Variants in GALNT18 observed in about 807,000 individuals in gnomAD.
GALNT18 encodes the protein polypeptide N-acetylgalactosaminyltransferase 18.
A neutral mutation model predicts 69.5 loss-of-function variants in GALNT18; 44 were observed. The observed-to-expected ratio is 0.63, with a 90% CI of 0.50 to 0.81. The LOEUF (loss-of-function observed/expected upper bound fraction) is 0.81, where lower values mean the gene tolerates loss of function less well. GALNT18 is among the 40% of genes least tolerant of loss of function. The pLI is 0.00. For synonymous variants in GALNT18, 364 were observed against 318.2 expected (o/e 1.14, Z -1.53); for missense variants, 715 against 810.0 (o/e 0.88, Z 1.42).
intron 9 of GALNT18, among the ~76,000 whole-genome samples, chr11:11,301,380 T>C (rs1026347614): frequency 7.9e-5 from 12 of 152,218 alleles, no homozygotes; most frequent in Non-Finnish European, 1.3e-4. Flanking sequence ...ATTTAAGGGT[T>C]TGGTTATTGG....
intron 9 of GALNT18, among the ~76,000 whole-genome samples, chr11:11,324,537 G>C (rs1849886266): frequency 6.6e-6 from 1 of 152,162 alleles, no homozygotes; most frequent in Non-Finnish European, 1.5e-5. Flanking sequence ...TGATGAAAGT[G>C]TTCCCTTTTC....
intron 4 of GALNT18, among the ~76,000 whole-genome samples, chr11:11,378,503 G>T (rs1853829800): frequency 6.6e-6 from 1 of 152,190 alleles, no homozygotes; most frequent in Non-Finnish European, 1.5e-5. Flanking sequence ...CCTTCTGTCT[G>T]GTCCCTTTCC....
At chr11:11,521,822 C>T (rs946862205) in intron 1 of GALNT18, among the ~76,000 whole-genome samples, 11 of 152,190 alleles carry the variant, frequency 7.2e-5, no homozygotes, top group Admixed American at 7.2e-4. Flanking sequence ...GAAGCCAACA[C>T]GCACTTCACC....
chr11:11,612,308 T>C (rs1178063741), intron 1 of GALNT18, among the ~76,000 whole-genome samples: 1 of 152,256 alleles, frequency 6.6e-6, no homozygotes, highest in Non-Finnish European at 1.5e-5. Flanking sequence ...GGCCAGTCCC[T>C]GACCTGCTAG....
chr11:11,414,528 A>G (rs901294196), intron 3 of GALNT18, among the ~76,000 whole-genome samples: 4 of 151,962 alleles, frequency 2.6e-5, no homozygotes, highest in Admixed American at 6.6e-5. Context: ...CTCTCCTTCC[A>G]TCCTTTAAAG....
In GALNT18 at chr11:11,619,749, A is replaced by G. The variant is rs1166119849; in HGVS notation, c.235+1610T>C. Among the ~76,000 whole-genome samples the G allele has an allele frequency of 6.6e-6, 1 of 152,190 alleles. No individual in the cohort carries two copies. The highest frequency in any genetic ancestry group is 1.5e-5 in the Non-Finnish European group (1 of 68,026). The stretch of plus-strand genomic sequence containing the variant: ...TACTTCTATTGCTGATTAATAGTCA[A>G]TCAAGACCTATGGGATGGAAAAGGA... On this transcript the variant is annotated intron_variant, in intron 1 of 10. Coordinates refer to ENST00000227756, the MANE Select transcript of GALNT18 (RefSeq NM_198516.3). The surrounding 1 kb of genome is among the most constrained non-coding windows in gnomAD (Gnocchi z 4.9).
In GALNT18 at chr11:11,366,329, T is replaced by C. The variant is rs376491525; in HGVS notation, c.1092+6186A>G. 5.3e-5 allele frequency among the ~76,000 whole-genome samples: 8 copies of C among 152,216 alleles called. No homozygotes were observed. In the East Asian group the frequency reaches 1.3e-3, roughly 26 times the overall value. On this transcript the variant is annotated intron_variant, in intron 6 of 10. Coordinates refer to ENST00000227756, the MANE Select transcript of GALNT18 (RefSeq NM_198516.3). ...CACGACTATAATACATATAAATTAA[T>C]GTGTGCCTTAAAAAATAAAGCACTA... is the stretch of plus-strand genomic sequence containing the variant.
At position 11,617,874 on chromosome 11, in the gene GALNT18, A is replaced by G. The variant is rs184514120; in HGVS notation, c.235+3485T>C. 1.4e-3 allele frequency among the ~76,000 whole-genome samples: 208 copies of G among 152,268 alleles called. 1 individual carries two copies. Among genetic ancestry groups the G allele is most frequent in the African/African-American group, 4.9e-3 (204 of 41,560 alleles). On this transcript the variant is annotated intron_variant, in intron 1 of 10. Coordinates refer to ENST00000227756, the MANE Select transcript of GALNT18 (RefSeq NM_198516.3). The surrounding 1 kb of genome is among the most constrained non-coding windows in gnomAD (Gnocchi z 4.7). Reference sequence around the variant, plus strand: ...AGATCTTTCTACTCCTAAGATGGAGAGAACCTGACCCTTACTAACATTTAC... The same window carrying G: ...AGATCTTTCTACTCCTAAGATGGAGGGAACCTGACCCTTACTAACATTTAC...
chr11:11,318,282 T>C lies in GALNT18; in HGVS notation c.1512+8804A>G, dbSNP rs983737642. Among the ~76,000 whole-genome samples the C allele has an allele frequency of 1.3e-5, 2 of 152,226 alleles. No individual in the cohort carries two copies. Among genetic ancestry groups the C allele is most frequent in the East Asian group, 3.8e-4 (2 of 5,200 alleles). On this transcript the variant is annotated intron_variant, in intron 9 of 10. Transcript: ENST00000227756. The surrounding 1 kb of genome is among the most constrained non-coding windows in gnomAD (Gnocchi z 5.1). The stretch of plus-strand genomic sequence containing the variant: ...ACCCCCAGTACCTCATAATGTAATC[T>C]TATTTGGAAATAGAGTCATTGCAGA...
intron 1 of GALNT18, among the ~76,000 whole-genome samples, chr11:11,488,137 T>C (rs1352572561): frequency 6.6e-6 from 1 of 152,222 alleles, no homozygotes; most frequent in Non-Finnish European, 1.5e-5. Context: ...GGTAACAAAT[T>C]ACTACAAACT....
At chr11:11,313,067 A>G (rs1258094417) in intron 9 of GALNT18, among the ~76,000 whole-genome samples, 1 of 152,206 alleles carries the variant, frequency 6.6e-6, no homozygotes, top group Non-Finnish European at 1.5e-5. Flanking sequence ...GTCAGGAAAG[A>G]CTGCCCTAAA....
intron 4 of GALNT18, among the ~76,000 whole-genome samples, chr11:11,378,094 C>G (rs1177882432): frequency 6.6e-6 from 1 of 152,152 alleles, no homozygotes; most frequent in Non-Finnish European, 1.5e-5. Flanking sequence ...GCCATAAATC[C>G]AAAGAAAATG....
Position 11,309,794 on chromosome 11 carries a change from G to C in GALNT18, c.1513-16601C>G, listed in dbSNP as rs538609339. Among the ~76,000 whole-genome samples, 2 of 152,210 alleles carry C rather than the reference G, an allele frequency of 1.3e-5. No homozygotes were observed. The highest frequency in any genetic ancestry group is 4.2e-4 in the South Asian group (2 of 4,816). ...CTCTCACATACCCAGATCCCCTTAT[G>C]CTTCAGTTGCAAGACAGCCTGCAAA... On this transcript the variant is annotated intron_variant, in intron 9 of 10. Transcript: ENST00000227756. This position sits in a 1 kb window ranked among gnomAD's most constrained non-coding sequence, Gnocchi z 4.6.
At chr11:11,516,799 C>T (rs540449567) in intron 1 of GALNT18, among the ~76,000 whole-genome samples, 3 of 152,320 alleles carry the variant, frequency 2.0e-5, no homozygotes, top group South Asian at 4.1e-4. Context: ...ACTGTTCCCA[C>T]TCCTATTAGG....
intron 6 of GALNT18, chr11:11,352,377 A>T (rs1447453937): frequency 1.2e-6 from 2 of 1,613,942 alleles, no homozygotes; most frequent in African/African-American, 2.7e-5. Flanking sequence ...TGTCCCCAGA[A>T]ACTTGGCTAT....
chr11:11,282,241 T>G (rs1015272962), intron 10 of GALNT18, among the ~76,000 whole-genome samples: 14 of 152,104 alleles, frequency 9.2e-5, no homozygotes, highest in African/African-American at 3.4e-4. Flanking sequence ...TTTCCCACAC[T>G]CAGTGCCTTC....
At chr11:11,281,808 A>G (rs919603547) in intron 10 of GALNT18, among the ~76,000 whole-genome samples, 2 of 151,704 alleles carry the variant, frequency 1.3e-5, no homozygotes, top group African/African-American at 4.9e-5. Context: ...CACGGCCAAG[A>G]GTGGGGTTGG....
At chr11:11,473,169 C>T (rs186319076) in intron 1 of GALNT18, among the ~76,000 whole-genome samples, 15 of 152,196 alleles carry the variant, frequency 9.9e-5, no homozygotes, top group East Asian at 3.9e-4. Context: ...AGAAATACCC[C>T]GGAACTAAAC....
At chr11:11,427,994 T>C (rs1208005134) in intron 3 of GALNT18, among the ~76,000 whole-genome samples, 1 of 152,128 alleles carries the variant, frequency 6.6e-6, no homozygotes, top group Admixed American at 6.5e-5. Context: ...CCTAGAACAT[T>C]TCATCCCCAC....
Sources: allele counts gnomAD v4.1 joint callset (sites outside exome capture counted in the v4.1 genomes callset), GRCh38; gene constraint gnomAD v4.1.1; non-coding constraint Gnocchi (gnomAD v3.1); transcripts MANE v1.5; gene names NCBI Gene and HGNC (gene_info 2026-07-23, HGNC 2026-07-21).